Variants in PHLPP2 observed in about 807,000 individuals in gnomAD.
PHLPP2 encodes the protein PH domain and leucine rich repeat protein phosphatase 2.
PHLPP2 carries 66 observed loss-of-function variants against 124.9 expected under a neutral mutation model. The observed-to-expected ratio is 0.53, with a 90% CI of 0.43 to 0.65. The LOEUF (loss-of-function observed/expected upper bound fraction) is 0.65, where lower values mean the gene tolerates loss of function less well. PHLPP2 is among the 30% of genes least tolerant of loss of function. The pLI, the probability that PHLPP2 is intolerant of heterozygous loss-of-function variation, is 0.00. For synonymous variants in PHLPP2, 681 were observed against 624.7 expected, an observed-to-expected ratio of 1.09 and a Z score of -1.34; for missense variants, 1,685 against 1,600.4, an observed-to-expected ratio of 1.05 and a Z score of -0.90.
intron 2 of PHLPP2, among the ~76,000 whole-genome samples, chr16:71,712,137 C>A (rs184460208): frequency 6.6e-6 from 1 of 152,354 alleles, no homozygotes; most frequent in Non-Finnish European, 1.5e-5. Context: ...AGAAAATGTG[C>A]ATAAAGCACT....
chr16:71,684,355 A>G (rs1012818477), intron 5 of PHLPP2, 121 bp downstream of exon 5: 32 of 933,114 alleles, frequency 3.4e-5, no homozygotes, highest in Non-Finnish European at 4.9e-5. Context: ...CGAACTCCCA[A>G]CCTCAGGTGA....
In PHLPP2 at chr16:71,655,313, C is replaced by T. The variant is rs761790804; in HGVS notation, c.2512G>A (p.Val838Met). Reference sequence around the variant, plus strand: ...GACTGCTGTACCTCTTCTAAAAGCACATCTGCCATCGTACACTGCAGCAGG... The same window carrying T: ...GACTGCTGTACCTCTTCTAAAAGCATATCTGCCATCGTACACTGCAGCAGG... ...PRLLQCTMAD[V>M]LLEEVQQSTN... Residue 838 changes from valine to methionine, a missense_variant, in exon 17 of 19, where the codon GTG becomes ATG. Transcript: ENST00000568954. 6.2e-6 allele frequency: 10 copies of T among 1,613,934 alleles called. No individual in the cohort carries two copies. Among genetic ancestry groups the T allele is most frequent in the Non-Finnish European group, 6.8e-6 (8 of 1,179,890 alleles).
chr16:71,675,863 A>C (rs1277897147), intron 9 of PHLPP2, among the ~76,000 whole-genome samples: 1 of 152,144 alleles, frequency 6.6e-6, no homozygotes, highest in Non-Finnish European at 1.5e-5. Context: ...AGCTGGGACC[A>C]CAGGTTTGCC....
At chr16:71,699,083 C>T (rs2045202635) in intron 3 of PHLPP2, among the ~76,000 whole-genome samples, 1 of 152,134 alleles carries the variant, frequency 6.6e-6, no homozygotes, top group African/African-American at 2.4e-5. Flanking sequence ...CCTTCCGTAA[C>T]AATAGTTGTG....
rs115951872 is a variant in PHLPP2 at position 71,676,743 on chromosome 16, T to C, written c.1269-94A>G. The C allele has an allele frequency of 9.5e-3, 8,525 of 901,244 alleles. 497 individuals carry two copies. In the African/African-American group the frequency reaches 0.13, roughly 14 times the overall value. The allele number at this position is 901,244 out of a possible 1,614,324, so 55.8% of individuals were successfully genotyped here. ...TAAAAAATAGGACAGGTATGATCCC[T>C]TTCTCTGTTTACTTTTTTTTTTTGA... is the stretch of plus-strand genomic sequence containing the variant. On this transcript the variant is annotated intron_variant, in intron 8 of 18. Coordinates refer to ENST00000568954, the MANE Select transcript of PHLPP2 (RefSeq NM_015020.3).
At chr16:71,718,496 C>T (rs2045377780) in intron 1 of PHLPP2, among the ~76,000 whole-genome samples, 3 of 151,602 alleles carry the variant, frequency 2.0e-5, no homozygotes, top group Admixed American at 2.0e-4. Context: ...AAGGAAATCA[C>T]TTGAACCTGG....
At position 71,649,490 on chromosome 16, in the gene PHLPP2, G is replaced by A. The variant is rs1398015929; in HGVS notation, c.3372C>T (p.Pro1124=). 1 of 1,614,122 alleles carries A rather than the reference G, an allele frequency of 6.2e-7. No homozygotes were observed. The highest frequency in any genetic ancestry group is 8.5e-7 in the Non-Finnish European group (1 of 1,179,998). Residue 1124 remains proline, a synonymous_variant, in exon 19 of 19, where the codon CCC becomes CCT. Transcript: ENST00000568954. ...GCTGGCGCTGAAACAGCCCAGAGGT[G>A]GGTGTTGGGTGGAGGCTGCAGCGCC... ...PERRCSLHPT[P]TSGLFQRQPS... is the part of the protein sequence containing the mutation.
intron 2 of PHLPP2, among the ~76,000 whole-genome samples, chr16:71,707,723 C>T (rs926822583): frequency 6.6e-6 from 1 of 152,164 alleles, no homozygotes; most frequent in Admixed American, 6.5e-5. Flanking sequence ...CTAGACCTCA[C>T]CCTATGTGTC....
At position 71,684,412 on chromosome 16, in the gene PHLPP2, C is replaced by T. The variant is rs2045033013; in HGVS notation, c.735+64G>A. 7 of 1,558,482 alleles carry T rather than the reference C, an allele frequency of 4.5e-6. No homozygotes were observed. The South Asian group carries it at 5.6e-5, about 12-fold the overall frequency. On this transcript the variant is annotated intron_variant, in intron 5 of 18. Coordinates refer to ENST00000568954, the MANE Select transcript of PHLPP2 (RefSeq NM_015020.3). ...AAGTGCTGGGATTACAGACGTGAGC[C>T]ACCACGCCCGGCCTAGGGTTCTCTA...
chr16:71,669,410 A>T (rs1368054791), intron 10 of PHLPP2, 40 bp from the exon 11 acceptor site: 1 of 1,387,822 alleles, frequency 7.2e-7, no homozygotes, highest in South Asian at 1.2e-5. Context: ...ATTTAAGATG[A>T]CAAGTGGAAC....
In PHLPP2 at chr16:71,647,266, G is replaced by A. The variant is rs746224677; in HGVS notation, c.*1624C>T. On this transcript the variant is annotated 3_prime_UTR_variant, in exon 19 of 19. Transcript: ENST00000568954. ...TCTTCCAATGGAAAAAGTGACAGAA[G>A]TATGAAGAAACTGCATTTTGCTAGG... The A allele has an allele frequency of 3.3e-5, 5 of 152,606 alleles. No homozygotes were observed. Among genetic ancestry groups the A allele is most frequent in the Non-Finnish European group, 4.4e-5 (3 of 68,026 alleles). The allele number at this position is 152,606 out of a possible 1,614,324, so 9.5% of individuals were successfully genotyped here. A position where few individuals can be genotyped will look rare whatever the true frequency, so the allele number is the denominator to read the frequency against.
intron 1 of PHLPP2, among the ~76,000 whole-genome samples, chr16:71,719,867 G>A (rs1457862727): frequency 1.3e-5 from 2 of 151,602 alleles, no homozygotes; most frequent in Non-Finnish European, 1.5e-5. Flanking sequence ...GCACGATCTC[G>A]GCTCACCGCA....
intron 3 of PHLPP2, among the ~76,000 whole-genome samples, chr16:71,700,276 G>A (rs958030587): frequency 5.3e-5 from 8 of 151,838 alleles, no homozygotes; most frequent in South Asian, 2.1e-4. Flanking sequence ...GCAGTGGTGC[G>A]CACGTGTAGT....
intron 10 of PHLPP2, among the ~76,000 whole-genome samples, chr16:71,671,490 TGAAC>T (rs1353379203): frequency 6.6e-6 from 1 of 151,946 alleles, no homozygotes; most frequent in Non-Finnish European, 1.5e-5. Context: ...ACTCTACCGC[TGAAC>T]CCAGAATGCC....
At position 71,714,631 on chromosome 16, in the gene PHLPP2, G is replaced by GGAGGAA. The variant is rs764208863; in HGVS notation, c.159_164dup (p.Ser59_Ser60dup). On this transcript the variant is annotated inframe_insertion, in exon 2 of 19. Coordinates refer to ENST00000568954, the MANE Select transcript of PHLPP2 (RefSeq NM_015020.3). ...GATGTAAGTCAGAGGAAGAGGAGGA[G>GGAGGAA]GAGGAAGAGGAAGAGGAGGTGGTGG... The GGAGGAA allele has an allele frequency of 1.1e-5, 18 of 1,613,678 alleles. No individual in the cohort carries two copies. The African/African-American group carries it at 1.6e-4, about 14-fold the overall frequency.
intron 3 of PHLPP2, chr16:71,698,420 G>A (rs1346227617): frequency 1.3e-5 from 9 of 712,774 alleles, no homozygotes; most frequent in Non-Finnish European, 2.3e-5. Flanking sequence ...TCCTTGTTAT[G>A]CAGCTTGGTG....
intron 11 of PHLPP2, among the ~76,000 whole-genome samples, chr16:71,668,227 C>T (rs1023065178): frequency 6.6e-6 from 1 of 151,000 alleles, no homozygotes; most frequent in Non-Finnish European, 1.5e-5. Context: ...CTGGCTAACA[C>T]GGTGAAACCC....
intron 2 of PHLPP2, among the ~76,000 whole-genome samples, chr16:71,706,335 A>G (rs576657637): frequency 3.3e-4 from 50 of 152,338 alleles, no homozygotes; most frequent in African/African-American, 1.2e-3. Context: ...ATCATTCTGT[A>G]TTAGTTATTC....
chr16:71,656,358 G>T (rs2044741791), intron 16 of PHLPP2, among the ~76,000 whole-genome samples: 1 of 152,138 alleles, frequency 6.6e-6, no homozygotes, highest in Admixed American at 6.5e-5. Flanking sequence ...GCCATGAAAG[G>T]GGGTGTTTGG....
Sources: allele counts gnomAD v4.1 joint callset (sites outside exome capture counted in the v4.1 genomes callset), GRCh38; gene constraint gnomAD v4.1.1; transcripts MANE v1.5; gene names NCBI Gene and HGNC (gene_info 2026-07-23, HGNC 2026-07-21).